The following ZNF608 variants were observed in gnomAD, a reference collection of about 807,000 sequenced individuals.
ZNF608 encodes zinc finger protein 608.
Under a neutral mutation model 109.0 loss-of-function variants are expected in ZNF608, and 12 were observed. The ratio of observed to expected loss-of-function variants is 0.11; its 90% confidence interval spans 0.07 to 0.18. The LOEUF (loss-of-function observed/expected upper bound fraction) is 0.18. Among genes scored for constraint, ZNF608 ranks in the 10% least tolerant of loss-of-function variants. The pLI is 1.00. For synonymous variants in ZNF608, 732 were observed against 717.4 expected (o/e 1.02, Z -0.33); for missense variants, 1,707 against 1,879.3 (o/e 0.91, Z 1.70).
intron 3 of ZNF608, among the ~76,000 whole-genome samples, chr5:124,662,828 C>G (rs967661820): frequency 3.3e-5 from 5 of 152,098 alleles, no homozygotes; most frequent in African/African-American, 1.2e-4. Context: ...CACACACACA[C>G]AGACACACAC....
chr5:124,737,476 C>T (rs1221239838), intron 2 of ZNF608, among the ~76,000 whole-genome samples: 1 of 152,182 alleles, frequency 6.6e-6, no homozygotes, highest in Non-Finnish European at 1.5e-5. Context: ...TTTGTTCTAA[C>T]CGAAACACCT....
chr5:124,685,705 C>A (rs1349477329), intron 3 of ZNF608, among the ~76,000 whole-genome samples: 1 of 151,964 alleles, frequency 6.6e-6, no homozygotes, highest in Non-Finnish European at 1.5e-5. Flanking sequence ...AGAGGAGGAA[C>A]TCAGTACGCG....
chr5:124,675,674 C>A (rs1043482678), intron 3 of ZNF608, among the ~76,000 whole-genome samples: 3 of 152,104 alleles, frequency 2.0e-5, no homozygotes, highest in African/African-American at 7.2e-5. Context: ...GAGACTACGG[C>A]CATCATTTTT....
intron 2 of ZNF608, chr5:124,710,255 C>A (rs1753435831): frequency 4.4e-6 from 2 of 452,320 alleles, no homozygotes; most frequent in South Asian, 1.6e-5. Context: ...ATTTTGGAAA[C>A]CACCGTATTC....
chr5:124,716,035 G>C (rs990115585), intron 2 of ZNF608, among the ~76,000 whole-genome samples: 1 of 151,494 alleles, frequency 6.6e-6, no homozygotes, highest in South Asian at 2.1e-4. Flanking sequence ...CCCAGCTACT[G>C]GGGAGGCTGA....
intron 3 of ZNF608, among the ~76,000 whole-genome samples, chr5:124,676,709 T>C (rs1434227680): frequency 6.6e-6 from 1 of 152,182 alleles, no homozygotes. Flanking sequence ...CAAGAATGGA[T>C]AAATAATAAT....
At position 124,648,914 on chromosome 5, in the gene ZNF608, G is replaced by C; in HGVS notation, c.1470C>G (p.Ile490Met). The C allele has an allele frequency of 6.2e-7, 1 of 1,614,086 alleles. No individual in the cohort carries two copies. The highest frequency in any genetic ancestry group is 1.7e-5 in the Admixed American group (1 of 60,012). Residue 490 changes from isoleucine to methionine, a missense_variant, in exon 5 of 10, where the codon ATC (isoleucine) becomes ATG (methionine). Physicochemically the swap from Ile to Met is conservative, Grantham distance 10 (BLOSUM62 1). Around this residue, in one of 7 missense-constraint regions of ZNF608, gnomAD observed 166 missense variants for 204.2 expected, o/e 0.81. Coordinates refer to ENST00000513986, the MANE Select transcript of ZNF608 (RefSeq NM_020747.3). ...TGTTGGTGGAGGAAGGGCTGGCTTTGATATCCTCAGCAGCACAATTTGGGG... is the reference window on the plus strand; with the variant it reads ...TGTTGGTGGAGGAAGGGCTGGCTTTCATATCCTCAGCAGCACAATTTGGGG... ...RTPPNCAAED[I>M]KASPSSTNKR...
chr5:124,746,161 C>CACACACACAT, intron 1 of ZNF608, 34 bp downstream of exon 1: 1 of 984,478 alleles, frequency 1.0e-6, no homozygotes, highest in South Asian at 4.7e-5. Context: ...AATATACATA[C>CACACACACAT]ACACACACAT....
chr5:124,674,081 C>T (rs1270921118), intron 3 of ZNF608, among the ~76,000 whole-genome samples: 1 of 152,190 alleles, frequency 6.6e-6, no homozygotes, highest in Non-Finnish European at 1.5e-5. Context: ...CCCAAACTTG[C>T]ATTATCATAA....
chr5:124,746,133 T>C (rs1749632244), intron 1 of ZNF608, 62 bp downstream of exon 1: 1 of 985,046 alleles, frequency 1.0e-6, no homozygotes, highest in African/African-American at 1.7e-5. Flanking sequence ...CAGTTGATTG[T>C]CAAGAAAAAA....
At chr5:124,655,757 A>G (rs1255743530) in intron 3 of ZNF608, among the ~76,000 whole-genome samples, 3 of 152,150 alleles carry the variant, frequency 2.0e-5, no homozygotes, top group Non-Finnish European at 4.4e-5. Context: ...CCCCATTATT[A>G]TGTTGTCGTC....
At chr5:124,711,906 G>C (rs894946636) in intron 2 of ZNF608, among the ~76,000 whole-genome samples, 3 of 152,162 alleles carry the variant, frequency 2.0e-5, no homozygotes, top group Non-Finnish European at 4.4e-5. Context: ...GGAAGGATTC[G>C]ATTGTTAATG....
At chr5:124,715,635 T>A (rs554191633) in intron 2 of ZNF608, among the ~76,000 whole-genome samples, 6 of 152,350 alleles carry the variant, frequency 3.9e-5, no homozygotes, top group African/African-American at 1.4e-4. Context: ...ATAATGGTAA[T>A]ATACACACTT....
intron 3 of ZNF608, among the ~76,000 whole-genome samples, chr5:124,665,697 T>C (rs1340617545): frequency 1.3e-5 from 2 of 152,232 alleles, no homozygotes; most frequent in African/African-American, 4.8e-5. Flanking sequence ...CCAGTTTTAC[T>C]GGACTATTAC....
rs1752128885 is a variant in ZNF608 at position 124,680,019 on chromosome 5, G to A, written c.1162+20995C>T. Among the ~76,000 whole-genome samples the A allele has an allele frequency of 2.6e-5, 4 of 152,086 alleles. No homozygotes were observed. The South Asian group carries it at 6.2e-4, about 24-fold the overall frequency. On this transcript the variant is annotated intron_variant, in intron 3 of 9. Coordinates refer to ENST00000513986, the MANE Select transcript of ZNF608 (RefSeq NM_020747.3). ...AGCTCAAGCCCAACATAATGATCTG[G>A]CAAGGACCTATAAGGGAGGGAGGTA...
chr5:124,674,842 T>C (rs759091770), intron 3 of ZNF608, among the ~76,000 whole-genome samples: 1 of 152,188 alleles, frequency 6.6e-6, no homozygotes, highest in Non-Finnish European at 1.5e-5. Flanking sequence ...CTTGAACTCC[T>C]GGACTTAAGT....
At chr5:124,718,807 C>T (rs772981124) in intron 2 of ZNF608, among the ~76,000 whole-genome samples, 6 of 152,112 alleles carry the variant, frequency 3.9e-5, no homozygotes, top group Non-Finnish European at 7.4e-5. Flanking sequence ...TCTGCAAAAC[C>T]GCTATTTGGT....
chr5:124,703,344 C>G (rs1162916978), intron 2 of ZNF608, among the ~76,000 whole-genome samples: 1 of 152,216 alleles, frequency 6.6e-6, no homozygotes, highest in South Asian at 2.1e-4. Context: ...GGTGAGAACA[C>G]AATGGGGCAA....
intron 3 of ZNF608, among the ~76,000 whole-genome samples, chr5:124,671,553 C>G (rs1354811806): frequency 1.3e-5 from 2 of 151,972 alleles, no homozygotes; most frequent in Non-Finnish European, 2.9e-5. Context: ...TCTCTTTTCC[C>G]TTAAACAAAA....
Sources: allele counts gnomAD v4.1 joint callset (sites outside exome capture counted in the v4.1 genomes callset), GRCh38; gene constraint gnomAD v4.1.1; regional missense constraint gnomAD v4.1.1; transcripts MANE v1.5; gene names NCBI Gene and HGNC (gene_info 2026-07-23, HGNC 2026-07-21).